RIN3: variants seen among roughly 807,000 people sequenced by gnomAD.
RIN3 encodes Ras and Rab interactor 3.
Under a neutral mutation model 76.3 loss-of-function variants are expected in RIN3, and 54 were observed. The ratio of observed to expected loss-of-function variants is 0.71; its 90% CI spans 0.57 to 0.89. The LOEUF (loss-of-function observed/expected upper bound fraction) is 0.89, where lower values mean the gene tolerates loss of function less well. Ranked by LOEUF, RIN3 falls within the 40% of genes least tolerant of loss-of-function variation. The pLI is 0.00. For synonymous variants in RIN3, 576 were observed against 564.0 expected, an observed-to-expected ratio of 1.02 and a Z score of -0.30; for missense variants, 1,256 against 1,322.1, an observed-to-expected ratio of 0.95 and a Z score of 0.78.
At chr14:92,556,913 A>G (rs1160442975) in intron 2 of RIN3, among the ~76,000 whole-genome samples, 2 of 152,184 alleles carry the variant, frequency 1.3e-5, no homozygotes, top group Non-Finnish European at 2.9e-5. Flanking sequence ...AGCCATTTAA[A>G]AGTATACAGT....
intron 5 of RIN3, chr14:92,644,888 A>T (rs1428750761): frequency 6.6e-6 from 1 of 152,220 alleles, no homozygotes; most frequent in Non-Finnish European, 1.5e-5. Flanking sequence ...AAGGGCCCTG[A>T]CACACCAGGC....
chr14:92,618,086 G>A (rs1011193095), intron 4 of RIN3, among the ~76,000 whole-genome samples: 19 of 152,112 alleles, frequency 1.2e-4, no homozygotes, highest in Admixed American at 4.6e-4. Flanking sequence ...CCATAATGAG[G>A]TACCATTAAA....
At chr14:92,675,902 C>A (rs113399942) in intron 7 of RIN3, among the ~76,000 whole-genome samples, 112 of 152,278 alleles carry the variant, frequency 7.4e-4, no homozygotes, top group African/African-American at 2.3e-3. Context: ...CTGTGAACAT[C>A]TCCCTCAAAG....
intron 8 of RIN3, among the ~76,000 whole-genome samples, chr14:92,684,279 C>T (rs1171742676): frequency 6.6e-6 from 1 of 150,744 alleles, no homozygotes; most frequent in Non-Finnish European, 1.5e-5. Context: ...ACTCAGGAGG[C>T]TGAGGTAGGA....
chr14:92,617,191 T>G (rs919073329), intron 4 of RIN3, among the ~76,000 whole-genome samples: 2 of 151,712 alleles, frequency 1.3e-5, no homozygotes, highest in African/African-American at 2.4e-5. Context: ...TCCTAGCTAC[T>G]CAGGAGGCTG....
At chr14:92,586,398 A>G (rs1298868055) in intron 3 of RIN3, 1 of 152,226 alleles carries the variant, frequency 6.6e-6, no homozygotes, top group Non-Finnish European at 1.5e-5. Flanking sequence ...GTTATTACTC[A>G]TAGAGGTTTT....
intron 4 of RIN3, among the ~76,000 whole-genome samples, chr14:92,631,683 C>T (rs1886590059): frequency 6.6e-6 from 1 of 152,102 alleles, no homozygotes; most frequent in African/African-American, 2.4e-5. Context: ...TCACTGCATC[C>T]TCCACCTCCC....
intron 2 of RIN3, among the ~76,000 whole-genome samples, chr14:92,569,937 T>C (rs906679006): frequency 1.3e-5 from 2 of 152,200 alleles, no homozygotes; most frequent in Non-Finnish European, 2.9e-5. Flanking sequence ...TTTTCTTCTG[T>C]TTCATTCTGG....
At chr14:92,546,784 G>A (rs117052334) in intron 1 of RIN3, among the ~76,000 whole-genome samples, 3,248 of 152,070 alleles carry the variant, frequency 0.021, 49 homozygotes, top group Non-Finnish European at 0.034. Context: ...GGTGAGTAGG[G>A]CCTGTTTGGG....
At chr14:92,557,318 A>G (rs2140036839) in intron 2 of RIN3, among the ~76,000 whole-genome samples, 1 of 152,306 alleles carries the variant, frequency 6.6e-6, no homozygotes, top group South Asian at 2.1e-4. Flanking sequence ...CAGTGAGTAA[A>G]TAGCAGAGTG....
intron 5 of RIN3, among the ~76,000 whole-genome samples, chr14:92,642,865 G>A (rs987308882): frequency 9.2e-5 from 14 of 152,178 alleles, no homozygotes; most frequent in African/African-American, 3.1e-4. Flanking sequence ...AACCTCTTTA[G>A]CTGCCATTGG....
intron 4 of RIN3, among the ~76,000 whole-genome samples, chr14:92,627,049 T>A (rs563070560): frequency 2.0e-5 from 3 of 152,326 alleles, no homozygotes; most frequent in African/African-American, 7.2e-5. Flanking sequence ...CTGTTGCTTT[T>A]TCTTGTGCCT....
At chr14:92,602,830 T>C (rs953356277) in intron 3 of RIN3, among the ~76,000 whole-genome samples, 1 of 152,074 alleles carries the variant, frequency 6.6e-6, no homozygotes, top group Non-Finnish European at 1.5e-5. Context: ...CTCAAGCTGA[T>C]GATGTGCCAC....
Position 92,568,022 on chromosome 14 carries a change from C to T in RIN3, c.250-9338C>T, listed in dbSNP as rs891782591. On this transcript the variant is annotated intron_variant, in intron 2 of 9. Coordinates refer to ENST00000216487, the MANE Select transcript of RIN3 (RefSeq NM_024832.5). This position sits in a 1 kb window ranked among gnomAD's most constrained non-coding sequence, Gnocchi z 4.2. ...CCTGAATGATGGATATTATTGTCCTCATGTTTAGATGAGGACATTGAGACC... is the reference window on the plus strand; with the variant it reads ...CCTGAATGATGGATATTATTGTCCTTATGTTTAGATGAGGACATTGAGACC... 1.3e-5 allele frequency among the ~76,000 whole-genome samples: 2 copies of T among 152,256 alleles called. No individual in the cohort carries two copies. The highest frequency in any genetic ancestry group is 6.5e-5 in the Admixed American group (1 of 15,298).
At chr14:92,518,202 C>G (rs1226682850) in intron 1 of RIN3, among the ~76,000 whole-genome samples, 2 of 152,186 alleles carry the variant, frequency 1.3e-5, no homozygotes, top group Admixed American at 6.5e-5. Context: ...TTGAAAGAAG[C>G]CAAAACCTCT....
chr14:92,676,659 A>G, intron 8 of RIN3, 53 bp downstream of exon 8: 1 of 1,590,298 alleles, frequency 6.3e-7, no homozygotes, highest in Non-Finnish European at 8.6e-7. Context: ...CAACTCAGCC[A>G]CGCCACGGGC....
rs1428212506 is a variant in RIN3, at chr14:92,688,150, C to T, written c.2856C>T (p.Pro952=). The change falls in exon 10 of 10, where the codon CCC becomes CCT. Residue 952 remains proline, a synonymous_variant. Transcript: ENST00000216487. ...AGGGCTACCTGCTGCGCAGCGAGCC[C>T]AAGCGCGACTTCCACTTTGTCTACC... ...CIKGYLLRSE[P]KRDFHFVYRP... 13 of 1,610,338 alleles carry T rather than the reference C, an allele frequency of 8.1e-6. No homozygotes were observed. The highest frequency in any genetic ancestry group is 1.1e-5 in the Non-Finnish European group (13 of 1,178,902).
chr14:92,560,138 A>G (rs1329047770), intron 2 of RIN3, among the ~76,000 whole-genome samples: 1 of 152,228 alleles, frequency 6.6e-6, no homozygotes, highest in African/African-American at 2.4e-5. Context: ...CAGTGGTGCG[A>G]GAAGGCTGGA....
At chr14:92,522,390 C>T (rs1324432412) in intron 1 of RIN3, among the ~76,000 whole-genome samples, 1 of 152,060 alleles carries the variant, frequency 6.6e-6, no homozygotes, top group Non-Finnish European at 1.5e-5. Context: ...AAAGTTCATA[C>T]ACAGACACAC....
Sources: allele counts gnomAD v4.1 joint callset (sites outside exome capture counted in the v4.1 genomes callset), GRCh38; gene constraint gnomAD v4.1.1; non-coding constraint Gnocchi (gnomAD v3.1); transcripts MANE v1.5; gene names NCBI Gene and HGNC (gene_info 2026-07-23, HGNC 2026-07-21).